Variants in ITGA9 observed in about 807,000 individuals in gnomAD.
ITGA9 encodes integrin subunit alpha 9.
ITGA9 carries 56 observed loss-of-function variants against 127.8 expected under a neutral mutation model. That is an observed-to-expected ratio of 0.44 (90% CI 0.35 to 0.55). ITGA9 has a LOEUF of 0.55. ITGA9 is among the 20% of genes least tolerant of loss of function. The pLI, the probability that ITGA9 is intolerant of heterozygous loss-of-function variation, is 0.00. For missense variants in ITGA9, 1,196 were observed against 1,347.1 expected (o/e 0.89, Z 1.76); for synonymous variants, 508 against 514.5 (o/e 0.99, Z 0.17).
In ITGA9 at chr3:37,471,048, C is replaced by G. The variant is rs566237028; in HGVS notation, c.227C>G (p.Pro76Arg). The G allele has an allele frequency of 3.1e-6, 5 of 1,614,108 alleles. No homozygotes were observed. In the African/African-American group the frequency reaches 6.7e-5, roughly 22 times the overall value. ...CCAAAGGCAGATTCCAAATACAGCC[C>G]TTCAGTGAAGTCTCCTGGGGCTGTG... Reference protein sequence around the residue: ...GAPKADSKYSPSVKSPGAVFK... With the variant: ...GAPKADSKYSRSVKSPGAVFK... The change falls in exon 2 of 28, where the codon CCT becomes CGT. Residue 76 changes from proline (P) to arginine (R), a missense_variant. Transcript: ENST00000264741.
In ITGA9 at chr3:37,452,664, G is replaced by A; in HGVS notation, c.185+105G>A. 9.6e-7 allele frequency: 1 copy of A among 1,043,968 alleles called. No homozygotes were observed. The highest frequency in any genetic ancestry group is 1.3e-6 in the Non-Finnish European group (1 of 775,598). 64.7% of individuals were successfully genotyped at this position (1,043,968 alleles called of 1,614,324 possible). On this transcript the variant is annotated intron_variant, in intron 1 of 27. Transcript: ENST00000264741. This position sits in a 1 kb window ranked among gnomAD's most constrained non-coding sequence, Gnocchi z 7.3. Reference sequence around the variant, plus strand: ...CCGGTCTCTTCCACGCCGCCGTCCCGAGGGGGCGATTTAAATGTCTCCGTT... The same window carrying A: ...CCGGTCTCTTCCACGCCGCCGTCCCAAGGGGGCGATTTAAATGTCTCCGTT...
In ITGA9 at chr3:37,494,548, A is replaced by T; in HGVS notation, c.592A>T (p.Ile198Leu). Residue 198 changes from isoleucine (I) to leucine (L), a missense_variant, in exon 5 of 28, where the codon ATA becomes TTA. Transcript: ENST00000264741. ...GEEHGSCQAG[I>L]AGFFTEELVV... ...GGAACACGGCTCCTGCCAGGCTGGG[A>T]TAGCGGGCTTCTTCACCGAGGTGGG... 1.2e-6 allele frequency: 2 copies of T among 1,613,862 alleles called. No homozygotes were observed. The highest frequency in any genetic ancestry group is 1.1e-5 in the South Asian group (1 of 91,062).
chr3:37,623,620 T>G (rs1315738350), intron 15 of ITGA9, among the ~76,000 whole-genome samples: 1 of 152,100 alleles, frequency 6.6e-6, no homozygotes, highest in Non-Finnish European at 1.5e-5. Flanking sequence ...TAAATGAACC[T>G]GGCATTTCAA....
chr3:37,565,477 T>G (rs2555236), intron 15 of ITGA9, among the ~76,000 whole-genome samples: 62,579 of 152,012 alleles, frequency 0.41, 13,171 homozygotes, highest in Admixed American at 0.48. Context: ...TGCAGCCAGT[T>G]CCCCTACCTC....
chr3:37,631,880 G>C (rs567946659), intron 16 of ITGA9, among the ~76,000 whole-genome samples: 2 of 152,154 alleles, frequency 1.3e-5, no homozygotes, highest in Non-Finnish European at 2.9e-5. Context: ...GCCAGGCATC[G>C]CCTTCTCTAA....
At chr3:37,539,390 A>G (rs1699244191) in intron 14 of ITGA9, among the ~76,000 whole-genome samples, 1 of 152,186 alleles carries the variant, frequency 6.6e-6, no homozygotes, top group African/African-American at 2.4e-5. Flanking sequence ...GAGAAACAGA[A>G]TGGAGAGAGA....
intron 18 of ITGA9, among the ~76,000 whole-genome samples, chr3:37,700,090 TCTC>T (rs1159218086): frequency 6.8e-6 from 1 of 147,998 alleles, no homozygotes; most frequent in African/African-American, 2.5e-5. Flanking sequence ...TTCAAGCAAT[TCTC>T]CTCCTCAACC....
chr3:37,633,082 A>G (rs149850027), intron 16 of ITGA9, among the ~76,000 whole-genome samples: 105 of 152,356 alleles, frequency 6.9e-4, no homozygotes, highest in African/African-American at 2.3e-3. Flanking sequence ...TCCCAGGATG[A>G]TAACTGCAGC....
intron 18 of ITGA9, among the ~76,000 whole-genome samples, chr3:37,730,228 A>G (rs1696271367): frequency 6.6e-6 from 1 of 152,220 alleles, no homozygotes; most frequent in Non-Finnish European, 1.5e-5. Context: ...TACCAGAATG[A>G]CAGAAATGAA....
At chr3:37,732,236 G>A (rs1421797339) in intron 18 of ITGA9, among the ~76,000 whole-genome samples, 1 of 152,114 alleles carries the variant, frequency 6.6e-6, no homozygotes, top group African/African-American at 2.4e-5. Context: ...GAGACTTGCT[G>A]GTGGACAGCC....
intron 18 of ITGA9, among the ~76,000 whole-genome samples, chr3:37,700,666 T>C (rs181351752): frequency 2.0e-5 from 3 of 152,312 alleles, no homozygotes; most frequent in East Asian, 3.9e-4. Flanking sequence ...GACTTTTTAT[T>C]CATTGATTCA....
At chr3:37,741,634 G>A (rs1420110815) in intron 20 of ITGA9, 96 bp from the exon 21 acceptor site, 3 of 944,342 alleles carry the variant, frequency 3.2e-6, no homozygotes, top group African/African-American at 1.6e-5. Flanking sequence ...TGCCCTTGGA[G>A]AATGTAGAGA....
At chr3:37,543,009 G>T (rs1391412967) in intron 15 of ITGA9, among the ~76,000 whole-genome samples, 1 of 152,014 alleles carries the variant, frequency 6.6e-6, no homozygotes, top group Non-Finnish European at 1.5e-5. Context: ...CACAGTTAAG[G>T]CATTTTAAAA....
intron 15 of ITGA9, among the ~76,000 whole-genome samples, chr3:37,590,558 C>T (rs1417595367): frequency 1.3e-5 from 2 of 152,220 alleles, no homozygotes; most frequent in African/African-American, 4.8e-5. Context: ...CACACCAGCC[C>T]TTGTTCTGCT....
chr3:37,646,080 T>C (rs1435351076), intron 16 of ITGA9, among the ~76,000 whole-genome samples: 1 of 152,238 alleles, frequency 6.6e-6, no homozygotes, highest in African/African-American at 2.4e-5. Flanking sequence ...TTGAAATCTT[T>C]TTTTTCCTGG....
At chr3:37,762,329 A>G (rs1292339358) in intron 23 of ITGA9, among the ~76,000 whole-genome samples, 3 of 152,264 alleles carry the variant, frequency 2.0e-5, no homozygotes, top group Admixed American at 6.5e-5. Flanking sequence ...TGAAGACCCA[A>G]TCCCCTGGTA....
chr3:37,471,720 T>G (rs171963), intron 2 of ITGA9, among the ~76,000 whole-genome samples: 11,263 of 152,220 alleles, frequency 0.074, 488 homozygotes, highest in Admixed American at 0.12. Context: ...GGGTATTACA[T>G]TTTAACTAGG....
In ITGA9 at chr3:37,654,925, G is replaced by A. The variant is rs577324844; in HGVS notation, c.1916+1135G>A. ...TTGTCATTGTTCAACTCCCACTTAT[G>A]ACTAAGAACATGCAGCATTTGGTTT... On this transcript the variant is annotated intron_variant, in intron 17 of 27. Coordinates refer to ENST00000264741, the MANE Select transcript of ITGA9 (RefSeq NM_002207.3). Among the ~76,000 whole-genome samples, 12 of 151,400 alleles carry A rather than the reference G, an allele frequency of 7.9e-5. No individual in the cohort carries two copies. In the East Asian group the frequency reaches 2.0e-3, roughly 25 times the overall value.
intron 18 of ITGA9, among the ~76,000 whole-genome samples, chr3:37,712,131 G>T (rs1701086332): frequency 6.6e-6 from 1 of 152,002 alleles, no homozygotes; most frequent in African/African-American, 2.4e-5. Context: ...CTATGCGGCA[G>T]GAGCTGTATT....
Sources: allele counts gnomAD v4.1 joint callset (sites outside exome capture counted in the v4.1 genomes callset), GRCh38; gene constraint gnomAD v4.1.1; non-coding constraint Gnocchi (gnomAD v3.1); transcripts MANE v1.5; gene names NCBI Gene and HGNC (gene_info 2026-07-23, HGNC 2026-07-21).